Variants in POLD1 observed in about 807,000 individuals in gnomAD.
POLD1 encodes the protein DNA polymerase delta catalytic subunit.
POLD1 carries 79 observed loss-of-function variants against 129.7 expected under a neutral mutation model. The observed-to-expected ratio is 0.61, with a 90% CI of 0.51 to 0.73. POLD1 has a LOEUF of 0.73. Among genes scored for constraint, POLD1 ranks in the 30% least tolerant of loss-of-function variants. The pLI is 0.00. For missense variants in POLD1, 1,338 were observed against 1,595.8 expected, an observed-to-expected ratio of 0.84 and a Z score of 2.75; for synonymous variants, 714 against 683.3, an observed-to-expected ratio of 1.04 and a Z score of -0.70.
At chr19:50,389,505 C>T (rs2038079465) in intron 1 of POLD1, among the ~76,000 whole-genome samples, 1 of 152,126 alleles carries the variant, frequency 6.6e-6, no homozygotes. Flanking sequence ...TAACATGAGA[C>T]AGTGACGTTA....
At chr19:50,398,257 CAG>C (rs2038442679) in intron 1 of POLD1, among the ~76,000 whole-genome samples, 1 of 151,996 alleles carries the variant, frequency 6.6e-6, no homozygotes, top group South Asian at 2.1e-4. Flanking sequence ...GTATCGGAGA[CAG>C]AGGTTTATGG....
Position 50,417,943 on chromosome 19 carries a change from G to GGT in POLD1, c.3322_3323dup (p.Ter1108CysfsTer17). Reference sequence around the variant, plus strand: ...TTCGGACCCCCTGGACCTGAGGCCTGGTGACCTTGCAAGCATCCCATGGGG... The same window carrying GGT: ...TTCGGACCCCCTGGACCTGAGGCCTGGTGTGACCTTGCAAGCATCCCATGGGG... On this transcript the variant is annotated frameshift_variant, in exon 27 of 27. Transcript: ENST00000440232. LOFTEE classifies it high-confidence loss of function. The GGT allele has an allele frequency of 6.2e-7, 1 of 1,602,178 alleles. No individual in the cohort carries two copies. Among genetic ancestry groups the GGT allele is most frequent in the Non-Finnish European group, 8.5e-7 (1 of 1,171,934 alleles).
intron 1 of POLD1, among the ~76,000 whole-genome samples, chr19:50,384,818 C>T (rs1479796016): frequency 6.6e-6 from 1 of 152,186 alleles, no homozygotes; most frequent in Non-Finnish European, 1.5e-5. Context: ...ATCAGTAAAG[C>T]AGTGCTCTGG....
chr19:50,415,630 C>T, intron 21 of POLD1, 40 bp downstream of exon 21: 1 of 1,596,034 alleles, frequency 6.3e-7, no homozygotes, highest in Non-Finnish European at 8.5e-7. Flanking sequence ...AAATAACCCC[C>T]TCCTTCCTGC....
chr19:50,386,608 G>T (rs947849010), intron 1 of POLD1, among the ~76,000 whole-genome samples: 1 of 152,256 alleles, frequency 6.6e-6, no homozygotes. Flanking sequence ...CTGAAGGGCA[G>T]CTGGTCAGCT....
chr19:50,401,627 G>A (rs1465012758), intron 3 of POLD1, 151 bp from the exon 4 acceptor site: 1 of 798,240 alleles, frequency 1.3e-6, no homozygotes, highest in African/African-American at 1.7e-5. Flanking sequence ...GCTGGAGATG[G>A]GAACCAGGGG....
At chr19:50,393,295 G>A (rs2546554) in intron 1 of POLD1, among the ~76,000 whole-genome samples, 4,673 of 152,190 alleles carry the variant, frequency 0.031, 236 homozygotes, top group African/African-American at 0.11. Flanking sequence ...GATTTCTAGC[G>A]CTGTAGATCA....
intron 3 of POLD1, among the ~76,000 whole-genome samples, chr19:50,401,335 C>T (rs1367355148): frequency 1.8e-5 from 2 of 108,862 alleles, no homozygotes; most frequent in African/African-American, 3.6e-5. Context: ...TTTATTTGTA[C>T]ATATAATATG....
Position 50,417,907 on chromosome 19 carries a change from T to C in POLD1, c.3284T>C (p.Leu1095Pro). The C allele has an allele frequency of 6.2e-7, 1 of 1,611,660 alleles. No individual in the cohort carries two copies. The highest frequency in any genetic ancestry group is 8.5e-7 in the Non-Finnish European group (1 of 1,179,096). Reference sequence around the variant, plus strand: ...AAGGACCTGGAAGACCAGGAGCAGCTCCTGCGGCGCTTCGGACCCCCTGGA... The same window carrying C: ...AAGGACCTGGAAGACCAGGAGCAGCCCCTGCGGCGCTTCGGACCCCCTGGA... ...VRKDLEDQEQ[L>P]LRRFGPPGPE... Residue 1095 changes from leucine to proline, a missense_variant, in exon 27 of 27, where the codon CTC becomes CCC. Leu to Pro is a moderately conservative substitution (Grantham distance 98, BLOSUM62 -3). This residue lies in a region of POLD1 where 286 missense variants were observed against 277.5 expected (regional missense o/e 1.03). Coordinates refer to ENST00000440232, the MANE Select transcript of POLD1 (RefSeq NM_002691.4).
At position 50,398,946 on chromosome 19, in the gene POLD1, C is replaced by T. The variant is rs959521780; in HGVS notation, c.95C>T (p.Ser32Phe). Residue 32 changes from serine (S) to phenylalanine (F), a missense_variant, in exon 2 of 27, where the codon TCC becomes TTC. Around this residue, in one of 3 missense-constraint regions of POLD1, gnomAD observed 332 missense variants for 315.7 expected, o/e 1.05. Coordinates refer to ENST00000440232, the MANE Select transcript of POLD1 (RefSeq NM_002691.4). ...GATGATGATGATGCACCTCGGCCAT[C>T]CCAATTCGAGGAGGACCTGGCACTG... ...LWDDDDAPRP[S>F]QFEEDLALME... 6.3e-7 allele frequency: 1 copy of T among 1,590,166 alleles called. No individual in the cohort carries two copies. The highest frequency in any genetic ancestry group is 8.6e-7 in the Non-Finnish European group (1 of 1,169,370).
At chr19:50,392,838 A>C (rs1039858926) in intron 1 of POLD1, among the ~76,000 whole-genome samples, 1 of 152,264 alleles carries the variant, frequency 6.6e-6, no homozygotes, top group Admixed American at 6.5e-5. Context: ...TTTTCAACAC[A>C]AAAGATAAAA....
intron 3 of POLD1, among the ~76,000 whole-genome samples, chr19:50,400,336 T>A (rs1408232057): frequency 6.8e-6 from 1 of 146,478 alleles, no homozygotes; most frequent in African/African-American, 2.5e-5. Flanking sequence ...TCCTTCTTCC[T>A]CAGCCTCCCA....
chr19:50,413,489 A>G lies in POLD1; in HGVS notation c.2218A>G (p.Thr740Ala), dbSNP rs781629170. 2.5e-6 allele frequency: 4 copies of G among 1,612,318 alleles called. No individual in the cohort carries two copies. The African/African-American group carries it at 4.0e-5, about 16-fold the overall frequency. The change falls in exon 18 of 27, where the codon ACA becomes GCA. Residue 740 changes from threonine to alanine, a missense_variant. Physicochemically the swap from Thr to Ala is moderately conservative, Grantham distance 58. Around this residue, in one of 3 missense-constraint regions of POLD1, gnomAD observed 720 missense variants for 1,002.6 expected, o/e 0.72. Coordinates refer to ENST00000440232, the MANE Select transcript of POLD1 (RefSeq NM_002691.4). ...KTKQLVESKY[T>A]VENGYSTSAK... Reference sequence around the variant, plus strand: ...CAAGCAGCTGGTGGAGTCTAAGTACACAGTGGAGAATGGCTACAGCACCAG... The same window carrying G: ...CAAGCAGCTGGTGGAGTCTAAGTACGCAGTGGAGAATGGCTACAGCACCAG...
intron 17 of POLD1, among the ~76,000 whole-genome samples, chr19:50,412,301 C>T (rs1376865120): frequency 2.0e-5 from 3 of 151,992 alleles, no homozygotes; most frequent in African/African-American, 4.8e-5. Context: ...TACAGGCACC[C>T]GCCACCATGC....
In POLD1 at chr19:50,399,376, G is replaced by T. The variant is rs147911699; in HGVS notation, c.208G>T (p.Val70Phe). The change falls in exon 3 of 27, where the codon GTC becomes TTC. Residue 70 changes from valine (V) to phenylalanine (F), a missense_variant. By Grantham distance (50) the Val-to-Phe change is conservative. Around this residue, in one of 3 missense-constraint regions of POLD1, gnomAD observed 332 missense variants for 315.7 expected, o/e 1.05. Coordinates refer to ENST00000440232, the MANE Select transcript of POLD1 (RefSeq NM_002691.4). The stretch of plus-strand genomic sequence containing the variant: ...TCCTTCCCTTCCCCCACCAGGGCAG[G>T]TCCCACCATCAGCCATAGATCCTCG... ...SVLEGVADGQ[V>F]PPSAIDPRWL... is the part of the protein sequence containing the mutation. 1,430 of 1,612,884 alleles carry T rather than the reference G, an allele frequency of 8.9e-4. 1 individual carries two copies. The highest frequency in any genetic ancestry group is 1.2e-3 in the Non-Finnish European group (1,374 of 1,178,858).
At chr19:50,412,947 A>G (rs2039138345) in intron 17 of POLD1, among the ~76,000 whole-genome samples, 1 of 152,060 alleles carries the variant, frequency 6.6e-6, no homozygotes, top group South Asian at 2.1e-4. Context: ...GGGTTTCTCA[A>G]TGGTTTCTTA....
At chr19:50,394,327 G>A (rs1278081243) in intron 1 of POLD1, among the ~76,000 whole-genome samples, 2 of 152,158 alleles carry the variant, frequency 1.3e-5, no homozygotes, top group Non-Finnish European at 2.9e-5. Flanking sequence ...CTCCGGACAC[G>A]CAGGGTTGGA....
intron 10 of POLD1, among the ~76,000 whole-genome samples, chr19:50,405,834 C>G (rs1160954189): frequency 1.3e-5 from 2 of 152,178 alleles, no homozygotes; most frequent in African/African-American, 4.8e-5. Context: ...TCCACGCCGC[C>G]TCCTGCCTCT....
intron 1 of POLD1, among the ~76,000 whole-genome samples, chr19:50,386,994 C>G (rs1466442652): frequency 1.1e-4 from 17 of 151,104 alleles, no homozygotes; most frequent in Non-Finnish European, 2.2e-4. Flanking sequence ...AGACCAAGAC[C>G]ATCCTGGCTA....
Sources: allele counts gnomAD v4.1 joint callset (sites outside exome capture counted in the v4.1 genomes callset), GRCh38; gene constraint gnomAD v4.1.1; regional missense constraint gnomAD v4.1.1; transcripts MANE v1.5; gene names NCBI Gene and HGNC (gene_info 2026-07-23, HGNC 2026-07-21).